Variants in BTBD10 observed in about 807,000 individuals in gnomAD.
BTBD10 encodes the protein BTB/POZ domain-containing protein 10.
Under a neutral mutation model 53.2 loss-of-function variants are expected in BTBD10, and 21 were observed. The observed-to-expected ratio is 0.39, with a 90% CI of 0.28 to 0.57. BTBD10 has a LOEUF of 0.57. Among genes scored for constraint, BTBD10 ranks in the 20% least tolerant of loss-of-function variants. The pLI, the probability that BTBD10 is intolerant of heterozygous loss-of-function variation, is 0.53. For synonymous variants in BTBD10, 149 were observed against 192.7 expected (o/e 0.77, Z 1.88); for missense variants, 360 against 594.7 (o/e 0.61, Z 4.10).
chr11:13,450,035 TTA>T (rs1164293966), intron 1 of BTBD10, among the ~76,000 whole-genome samples: 1 of 152,190 alleles, frequency 6.6e-6, no homozygotes, highest in African/African-American at 2.4e-5. Context: ...AAAATTATTT[TTA>T]TCTCTCAAAC....
intron 8 of BTBD10, among the ~76,000 whole-genome samples, chr11:13,391,969 G>GAC (rs1949420004): frequency 1.3e-5 from 2 of 151,608 alleles, no homozygotes; most frequent in African/African-American, 4.9e-5. Context: ...ATAGACAGAA[G>GAC]ACAGACAGAC....
intron 1 of BTBD10, among the ~76,000 whole-genome samples, chr11:13,454,219 C>CA (rs1950919888): frequency 6.6e-6 from 1 of 152,128 alleles, no homozygotes. Flanking sequence ...TTAGTTATTG[C>CA]AAAGAGCACC....
At chr11:13,429,045 A>T (rs958545458) in intron 2 of BTBD10, among the ~76,000 whole-genome samples, 6 of 152,226 alleles carry the variant, frequency 3.9e-5, no homozygotes, top group African/African-American at 1.2e-4. Flanking sequence ...ACTTAGGGAT[A>T]AATATGACAA....
At chr11:13,404,286 T>C (rs4757153) in intron 7 of BTBD10, among the ~76,000 whole-genome samples, 22,856 of 152,184 alleles carry the variant, frequency 0.15, 1,984 homozygotes, top group Admixed American at 0.24. Flanking sequence ...TGGATCATCT[T>C]GATACAAAAT....
At chr11:13,407,279 G>T (rs1024596306) in intron 6 of BTBD10, among the ~76,000 whole-genome samples, 1 of 152,084 alleles carries the variant, frequency 6.6e-6, no homozygotes, top group Admixed American at 6.5e-5. Context: ...CCTATGCTGA[G>T]AATTCCCAAA....
intron 2 of BTBD10, among the ~76,000 whole-genome samples, chr11:13,442,638 C>A (rs1405913879): frequency 1.3e-5 from 2 of 152,088 alleles, no homozygotes; most frequent in Non-Finnish European, 2.9e-5. Flanking sequence ...GATAATTATT[C>A]TTTCTCTGAA....
In BTBD10 at chr11:13,421,809, A is replaced by C; in HGVS notation, c.131T>G (p.Val44Gly). The C allele has an allele frequency of 6.2e-7, 1 of 1,613,112 alleles. No individual in the cohort carries two copies. The highest frequency in any genetic ancestry group is 8.5e-7 in the Non-Finnish European group (1 of 1,179,514). ...STSSRIAKGG[V>G]DHTKMSLHGA... Reference sequence around the variant, plus strand: ...ATGTAGACTCATTTTGGTGTGGTCAACTCCTCCTTTAGCAATACGCGAGGA... The same window carrying C: ...ATGTAGACTCATTTTGGTGTGGTCACCTCCTCCTTTAGCAATACGCGAGGA... The change falls in exon 3 of 9, where the codon GTT (valine) becomes GGT (glycine). Residue 44 changes from valine to glycine, a missense_variant. By Grantham distance (109) the Val-to-Gly change is moderately radical (BLOSUM62 -3). This residue lies in a region of BTBD10 where 81 missense variants were observed against 82.6 expected (regional missense o/e 0.98). Transcript: ENST00000278174.
rs750074294 is a variant in BTBD10, at chr11:13,421,787, T to C, written c.153A>G (p.Leu51=). ...TCTCATGTCCCCCACTAGCACCATG[T>C]AGACTCATTTTGGTGTGGTCAACTC... ...KGGVDHTKMS[L]HGASGGHERS... The change falls in exon 3 of 9, where the codon CTA becomes CTG. Residue 51 remains leucine, a synonymous_variant. Coordinates refer to ENST00000278174, the MANE Select transcript of BTBD10 (RefSeq NM_032320.7). 2 of 1,614,090 alleles carry C rather than the reference T, an allele frequency of 1.2e-6. No homozygotes were observed. The highest frequency in any genetic ancestry group is 8.5e-7 in the Non-Finnish European group (1 of 1,179,974).
At chr11:13,451,446 C>A (rs1950856360) in intron 1 of BTBD10, among the ~76,000 whole-genome samples, 1 of 152,142 alleles carries the variant, frequency 6.6e-6, no homozygotes. Context: ...TGAGTACAAT[C>A]TCTGCCCAAA....
intron 1 of BTBD10, among the ~76,000 whole-genome samples, chr11:13,446,533 T>C (rs765756115): frequency 3.9e-5 from 6 of 152,020 alleles, no homozygotes; most frequent in Non-Finnish European, 7.4e-5. Context: ...CATAAATAAG[T>C]AGGTAGATCC....
intron 6 of BTBD10, among the ~76,000 whole-genome samples, chr11:13,407,152 G>GT (rs949688152): frequency 3.3e-5 from 5 of 152,048 alleles, no homozygotes; most frequent in African/African-American, 4.8e-5. Flanking sequence ...CATTATCCCT[G>GT]TTTTTTTCCT....
chr11:13,454,760 ATTCT>A (rs10569029), intron 1 of BTBD10, among the ~76,000 whole-genome samples: 23,844 of 151,770 alleles, frequency 0.16, 2,041 homozygotes, highest in Admixed American at 0.24. Context: ...AAATTTATTT[ATTCT>A]TTCATTCAAA....
chr11:13,419,435 T>C, intron 4 of BTBD10, 25 bp downstream of exon 4: 2 of 1,596,160 alleles, frequency 1.3e-6, no homozygotes, highest in Non-Finnish European at 1.7e-6. Context: ...TAATTAGTAA[T>C]GCAAATAACT....
intron 2 of BTBD10, among the ~76,000 whole-genome samples, chr11:13,433,597 G>T (rs1243761550): frequency 1.3e-5 from 2 of 152,074 alleles, no homozygotes; most frequent in East Asian, 1.9e-4. Context: ...GTTAAGTCAG[G>T]ATTTGGCAAA....
intron 8 of BTBD10, among the ~76,000 whole-genome samples, chr11:13,400,399 T>C (rs961954306): frequency 1.3e-5 from 2 of 152,172 alleles, no homozygotes; most frequent in African/African-American, 2.4e-5. Context: ...GTTGGAAAAG[T>C]GCAGTATTAG....
At chr11:13,397,418 T>A (rs1323363010) in intron 8 of BTBD10, among the ~76,000 whole-genome samples, 3 of 152,226 alleles carry the variant, frequency 2.0e-5, no homozygotes, top group African/African-American at 7.2e-5. Context: ...TGCGTCTATT[T>A]GATTCTTCTC....
At chr11:13,418,260 C>T (rs1022393585) in intron 4 of BTBD10, among the ~76,000 whole-genome samples, 15 of 151,932 alleles carry the variant, frequency 9.9e-5, no homozygotes, top group East Asian at 1.9e-4. Flanking sequence ...TTTAGTCAAT[C>T]GGCATAAAAA....
chr11:13,427,397 T>A (rs1160698344), intron 2 of BTBD10, among the ~76,000 whole-genome samples: 2 of 152,158 alleles, frequency 1.3e-5, no homozygotes, highest in Non-Finnish European at 2.9e-5. Context: ...ATGTATTTCA[T>A]AAAGATAAGG....
At position 13,388,883 on chromosome 11, in the gene BTBD10, G is replaced by T. The variant is rs767267622; in HGVS notation, c.1376C>A (p.Pro459His). ...VDELDILPIH[P>H]PSGNSDLDPD... ...ATCGAGGTCACTGTTGCCAGAAGGGGGATGGATAGGGAGAATATCCAGCTC... is the reference window on the plus strand; with the variant it reads ...ATCGAGGTCACTGTTGCCAGAAGGGTGATGGATAGGGAGAATATCCAGCTC... Residue 459 changes from proline (P) to histidine (H), a missense_variant, in exon 9 of 9, where the codon CCC becomes CAC. By Grantham distance (77) the Pro-to-His change is moderately conservative. This residue lies in a region of BTBD10 where 25 missense variants were observed against 24.9 expected (regional missense o/e 1.00). Coordinates refer to ENST00000278174, the MANE Select transcript of BTBD10 (RefSeq NM_032320.7). The T allele has an allele frequency of 2.5e-6, 4 of 1,613,998 alleles. No homozygotes were observed. In the African/African-American group the frequency reaches 4.0e-5, roughly 16 times the overall value.
Sources: gnomAD v4.1 joint callset for allele counts (sites outside exome capture counted in the v4.1 genomes callset) on GRCh38, gnomAD v4.1.1 for gene constraint, gnomAD v4.1.1 regional missense constraint, MANE v1.5 for transcripts, NCBI Gene and HGNC (gene_info 2026-07-23, HGNC 2026-07-21) for gene names.